Variants in BAHCC1 observed in about 807,000 individuals in gnomAD.
BAHCC1 encodes the protein BAH domain and coiled-coil containing 1.
BAHCC1 carries 43 observed loss-of-function variants against 88.2 expected under a neutral mutation model. The observed-to-expected ratio is 0.49, with a 90% CI of 0.38 to 0.63. BAHCC1 has a LOEUF of 0.63. Ranked by LOEUF, BAHCC1 falls within the 20% of genes least tolerant of loss-of-function variation. The pLI, the probability that BAHCC1 is intolerant of heterozygous loss-of-function variation, is 0.00. For synonymous variants in BAHCC1, 1,510 were observed against 745.5 expected (o/e 2.03, Z -16.71); for missense variants, 3,023 against 1,654.8 (o/e 1.83, Z -14.34).
In BAHCC1 at chr17:81,399,119, G is replaced by A; in HGVS notation, c.-206-415G>A. ...TGGGCAGCGGGGGAGGGGAGAGGGT[G>A]TGCGTGTGAGTGTGTGTGTGTGTGT... is the stretch of plus-strand genomic sequence containing the variant. On this transcript the variant is annotated intron_variant, in intron 1 of 27. Coordinates refer to ENST00000675386, the MANE Select transcript of BAHCC1 (RefSeq NM_001377448.1). This position sits in a 1 kb window ranked among gnomAD's most constrained non-coding sequence, Gnocchi z 4.5. 5.0e-6 allele frequency: 1 copy of A among 201,326 alleles called. No homozygotes were observed. Among genetic ancestry groups the A allele is most frequent in the Non-Finnish European group, 1.0e-5 (1 of 95,678 alleles). 12.5% of individuals were successfully genotyped at this position (201,326 alleles called of 1,614,324 possible).
At chr17:81,438,170 C>A (rs1234669834) in intron 3 of BAHCC1, among the ~76,000 whole-genome samples, 200 bp from the exon 4 acceptor site, 14 of 152,238 alleles carry the variant, frequency 9.2e-5, no homozygotes, top group Admixed American at 9.2e-4. Flanking sequence ...CAATTTGTGC[C>A]GCACCGGAGG....
At position 81,447,342 on chromosome 17, in the gene BAHCC1, T is replaced by C; in HGVS notation, c.3470T>C (p.Leu1157Pro). The change falls in exon 11 of 28, where the codon CTG (leucine) becomes CCG (proline). Residue 1157 changes from leucine to proline, a missense_variant. Coordinates refer to ENST00000675386, the MANE Select transcript of BAHCC1 (RefSeq NM_001377448.1). ...DPSPLEGLQE[L>P]QCAALLEAGG... is the part of the protein sequence containing the mutation. ...AGCCCACTAGAGGGGCTACAAGAAC[T>C]GCAATGTGCGGCCCTCCTGGAGGCA... The C allele has an allele frequency of 1.3e-6, 1 of 747,510 alleles. No individual in the cohort carries two copies. Among genetic ancestry groups the C allele is most frequent in the Non-Finnish European group, 2.5e-6 (1 of 403,228 alleles). 46.3% of individuals were successfully genotyped at this position (747,510 alleles called of 1,614,324 possible).
rs2063789310 is a variant in BAHCC1, at chr17:81,399,751, C to T, written c.12C>T (p.Arg4=). 8 of 1,170,110 alleles carry T rather than the reference C, an allele frequency of 6.8e-6. No homozygotes were observed. Among genetic ancestry groups the T allele is most frequent in the Non-Finnish European group, 7.4e-6 (7 of 949,690 alleles). The allele number at this position is 1,170,110 out of a possible 1,614,324, so 72.5% of individuals were successfully genotyped here. A position where few individuals can be genotyped will look rare whatever the true frequency, so the allele number is the denominator to read the frequency against. ...GGCCGGGGCCCGGCATGGATGGCCGCGACTTTGCGCCGCCGCCGCATCTGC... is the reference window on the plus strand; with the variant it reads ...GGCCGGGGCCCGGCATGGATGGCCGTGACTTTGCGCCGCCGCCGCATCTGC... The part of the protein sequence containing the change: MDG[R]DFAPPPHLLS... The change falls in exon 2 of 28, where the codon CGC becomes CGT. Residue 4 remains arginine, a synonymous_variant. Transcript: ENST00000675386. The surrounding 1 kb of genome is among the most constrained non-coding windows in gnomAD (Gnocchi z 4.5).
Position 81,409,815 on chromosome 17 carries a change from G to A in BAHCC1, c.178+9898G>A, listed in dbSNP as rs141371125. On this transcript the variant is annotated intron_variant, in intron 2 of 27. Transcript: ENST00000675386. ...CAGCAGGCTGGGCTGTGCCAGCGAG[G>A]GGGAGACCATGGCCCTGGGACTCAT... 3.4e-3 allele frequency among the ~76,000 whole-genome samples: 517 copies of A among 152,320 alleles called. 3 individuals are homozygous for A. The highest frequency in any genetic ancestry group is 0.011 in the African/African-American group (467 of 41,568).
intron 2 of BAHCC1, among the ~76,000 whole-genome samples, chr17:81,408,390 C>A (rs1253469616): frequency 1.3e-5 from 2 of 150,322 alleles, no homozygotes; most frequent in Non-Finnish European, 3.0e-5. Flanking sequence ...GCCCCACCTG[C>A]CTCCCACCCC....
chr17:81,407,257 C>T, intron 2 of BAHCC1: 2 of 499,724 alleles, frequency 4.0e-6, no homozygotes, highest in Non-Finnish European at 8.1e-6. Context: ...GGCTGGGCTC[C>T]CTGAAGCGGA....
intron 2 of BAHCC1, chr17:81,401,133 G>A (rs2063811329): frequency 1.3e-5 from 2 of 152,260 alleles, no homozygotes; most frequent in Admixed American, 1.3e-4. Context: ...TGGCAGAGAC[G>A]GGGCTAGAAA....
chr17:81,433,216 G>C (rs8078642), intron 3 of BAHCC1, among the ~76,000 whole-genome samples: 7,698 of 152,008 alleles, frequency 0.051, 582 homozygotes, highest in African/African-American at 0.16. Context: ...TTGCTGTGCC[G>C]CCCCGCAACC....
At chr17:81,406,794 G>C in intron 2 of BAHCC1, 1 of 436,902 alleles carries the variant, frequency 2.3e-6, no homozygotes, top group African/African-American at 2.0e-5. Flanking sequence ...GCGGCGCCCA[G>C]GTCCTGGTTA....
At position 81,413,220 on chromosome 17, in the gene BAHCC1, C is replaced by G. The variant is rs572116683; in HGVS notation, c.178+13303C>G. 341 of 289,898 alleles carry G rather than the reference C, an allele frequency of 1.2e-3. 1 individual carries two copies. The highest frequency in any genetic ancestry group is 6.7e-3 in the African/African-American group (290 of 43,084). The allele number at this position is 289,898 out of a possible 1,614,324, so 18.0% of individuals were successfully genotyped here. On this transcript the variant is annotated intron_variant, in intron 2 of 27. Coordinates refer to ENST00000675386, the MANE Select transcript of BAHCC1 (RefSeq NM_001377448.1). ...CCTCCCCTGTGCTGACCATGCCCCC[C>G]CCGGGCGCTCGCTGCTGGCTGGGGG...
At chr17:81,430,919 G>A (rs1568010298) in intron 3 of BAHCC1, among the ~76,000 whole-genome samples, 3 of 151,994 alleles carry the variant, frequency 2.0e-5, no homozygotes, top group East Asian at 1.9e-4. Flanking sequence ...GCCCATGTGC[G>A]AGGGAGAGTT....
intron 2 of BAHCC1, among the ~76,000 whole-genome samples, chr17:81,408,124 C>T (rs1218567580): frequency 1.3e-5 from 2 of 152,228 alleles, no homozygotes; most frequent in Non-Finnish European, 2.9e-5. Flanking sequence ...ACCGTGTCCT[C>T]GGGCTCCAGC....
rs782738418 is a variant in BAHCC1, at chr17:81,461,992, C to T, written c.7329C>T (p.Ile2443=). The T allele has an allele frequency of 5.1e-6, 4 of 777,798 alleles. 1 individual carries two copies. The highest frequency in any genetic ancestry group is 9.6e-6 in the Non-Finnish European group (4 of 417,254). 48.2% of individuals were successfully genotyped at this position (777,798 alleles called of 1,614,324 possible). A position where few individuals can be genotyped will look rare whatever the true frequency, so the allele number is the denominator to read the frequency against. The change falls in exon 26 of 28, where the codon ATC becomes ATT. Residue 2443 remains isoleucine, a synonymous_variant. Transcript: ENST00000675386. ...RPPSVENRPK[I]SAFLPARQLW... Reference sequence around the variant, plus strand: ...CCTCCGTGGAAAACCGGCCAAAGATCTCAGCCTTCCTGCCCGCCCGGCAGC... The same window carrying T: ...CCTCCGTGGAAAACCGGCCAAAGATTTCAGCCTTCCTGCCCGCCCGGCAGC...
intron 4 of BAHCC1, among the ~76,000 whole-genome samples, chr17:81,440,875 G>C (rs535214404): frequency 6.6e-6 from 1 of 152,182 alleles, no homozygotes; most frequent in African/African-American, 2.4e-5. Flanking sequence ...ATGAGAGGCC[G>C]AGGGGCTGGG....
Position 81,464,152 on chromosome 17 carries a change from T to C in BAHCC1, c.*335T>C. On this transcript the variant is annotated 3_prime_UTR_variant, in exon 28 of 28. Transcript: ENST00000675386. Reference sequence around the variant, plus strand: ...AGCCATATTCCCTAGTACCTCCGACTGTCTCCCACCAGGGAAAGCAGAAAT... The same window carrying C: ...AGCCATATTCCCTAGTACCTCCGACCGTCTCCCACCAGGGAAAGCAGAAAT... 4 of 396,928 alleles carry C rather than the reference T, an allele frequency of 1.0e-5. No individual in the cohort carries two copies. Among genetic ancestry groups the C allele is most frequent in the Middle Eastern group, 7.3e-4 (1 of 1,372 alleles). The allele number at this position is 396,928 out of a possible 1,614,324, so 24.6% of individuals were successfully genotyped here.
At chr17:81,452,442 A>G (rs2064658053) in intron 13 of BAHCC1, among the ~76,000 whole-genome samples, 1 of 105,206 alleles carries the variant, frequency 9.5e-6, no homozygotes, top group African/African-American at 3.8e-5. Flanking sequence ...CTGTGGGGCC[A>G]GGGCAGAAGT....
chr17:81,456,561 T>C lies in BAHCC1; in HGVS notation c.4834T>C (p.Ser1612Pro). 1.4e-6 allele frequency: 1 copy of C among 707,428 alleles called. No homozygotes were observed. Among genetic ancestry groups the C allele is most frequent in the South Asian group, 1.5e-5 (1 of 66,382 alleles). 43.8% of individuals were successfully genotyped at this position (707,428 alleles called of 1,614,324 possible). The change falls in exon 16 of 28, where the codon TCC becomes CCC. Residue 1612 changes from serine (S) to proline (P), a missense_variant. Transcript: ENST00000675386. ...RETPRCPAQP[S>P]VAASQEAGSG... Reference sequence around the variant, plus strand: ...GACACCCAGGTGCCCAGCCCAGCCCTCCGTGGCTGCGTCCCAGGAGGCAGG... The same window carrying C: ...GACACCCAGGTGCCCAGCCCAGCCCCCCGTGGCTGCGTCCCAGGAGGCAGG...
In BAHCC1 at chr17:81,451,792, C is replaced by G. The variant is rs1555655826; in HGVS notation, c.4101C>G (p.Asn1367Lys). Reference sequence around the variant, plus strand: ...CCCCAGCGCAGCCGCCCACAGCCAACCCCTGCAGCGGCCCCAGGCTCACCC... The same window carrying G: ...CCCCAGCGCAGCCGCCCACAGCCAAGCCCTGCAGCGGCCCCAGGCTCACCC... ...STAPAQPPTA[N>K]PCSGPRLTPR... The change falls in exon 12 of 28, where the codon AAC (asparagine) becomes AAG (lysine). Residue 1367 changes from asparagine to lysine, a missense_variant. Asn to Lys is a moderately conservative substitution (Grantham distance 94). Coordinates refer to ENST00000675386, the MANE Select transcript of BAHCC1 (RefSeq NM_001377448.1). 1 of 764,086 alleles carries G rather than the reference C, an allele frequency of 1.3e-6. No individual in the cohort carries two copies. Among genetic ancestry groups the G allele is most frequent in the Admixed American group, 1.7e-5 (1 of 58,272 alleles). 47.3% of individuals were successfully genotyped at this position (764,086 alleles called of 1,614,324 possible).
rs2064484670 is a variant in BAHCC1, at chr17:81,444,497, A to G, written c.2441A>G (p.His814Arg). ...CAGCTGGGCGGGGACCCAGCCCCCC[A>G]CACCCACCCCCATCCCCCCTGGCTG... ...SGQLGGDPAP[H>R]THPHPPWLPR... The change falls in exon 7 of 28, where the codon CAC becomes CGC. Residue 814 changes from histidine to arginine, a missense_variant. Transcript: ENST00000675386. The G allele has an allele frequency of 2.9e-6, 2 of 697,876 alleles. No individual in the cohort carries two copies. Among genetic ancestry groups the G allele is most frequent in the Non-Finnish European group, 5.3e-6 (2 of 379,592 alleles). The allele number at this position is 697,876 out of a possible 1,614,324, so 43.2% of individuals were successfully genotyped here.
Sources: gnomAD v4.1 joint callset for allele counts (sites outside exome capture counted in the v4.1 genomes callset) on GRCh38, gnomAD v4.1.1 for gene constraint, Gnocchi (gnomAD v3.1) non-coding constraint, MANE v1.5 for transcripts, NCBI Gene and HGNC (gene_info 2026-07-23, HGNC 2026-07-21) for gene names.